The following DNALI1 variants were observed in gnomAD, a reference collection of about 807,000 sequenced individuals.
The protein encoded by DNALI1 is dynein axonemal light intermediate chain 1.
Under a neutral mutation model 33.9 loss-of-function variants are expected in DNALI1, and 31 were observed. The ratio of observed to expected loss-of-function variants is 0.91; its 90% CI spans 0.69 to 1.23. The LOEUF (loss-of-function observed/expected upper bound fraction) is 1.23, where lower values mean the gene tolerates loss of function less well. Ranked by LOEUF, DNALI1 falls within the 50% of genes most tolerant of loss-of-function variation. DNALI1 has a pLI of 0.00. For synonymous variants in DNALI1, 117 were observed against 129.2 expected, an observed-to-expected ratio of 0.91 and a Z score of 0.64; for missense variants, 305 against 323.8, an observed-to-expected ratio of 0.94 and a Z score of 0.44.
chr1:37,557,160 A>C (rs570113972), intron 1 of DNALI1, 85 bp downstream of exon 1: 1,408 of 1,568,732 alleles, frequency 9.0e-4, no homozygotes, highest in Non-Finnish European at 1.1e-3. Context: ...CAGGAATCTC[A>C]AGGGACGGGG....
At chr1:37,560,167 G>T (rs2148122176) in intron 3 of DNALI1, among the ~76,000 whole-genome samples, 1 of 152,296 alleles carries the variant, frequency 6.6e-6, no homozygotes, top group Non-Finnish European at 1.5e-5. Flanking sequence ...CCAGGGGCAG[G>T]CAGAAGACAG....
rs41267325 is a variant in DNALI1, at chr1:37,566,693, C to T, written c.*1632C>T. ...CTTTCAGACTCTTATCACTGAAATC[C>T]TTAAGGTTGAGGAGGCTTTATTTCC... is the stretch of plus-strand genomic sequence containing the variant. On this transcript the variant is annotated 3_prime_UTR_variant, in exon 6 of 6. Transcript: ENST00000652629. 0.043 allele frequency: 28,145 copies of T among 653,220 alleles called. 743 individuals are homozygous for T. Among genetic ancestry groups the T allele is most frequent in the South Asian group, 0.069 (3,499 of 50,900 alleles). The allele number at this position is 653,220 out of a possible 1,614,324, so 40.5% of individuals were successfully genotyped here.
rs565918744 is a variant in DNALI1, at chr1:37,561,684, C to T, written c.525C>T (p.Gly175=). Residue 175 remains glycine (G), a synonymous_variant, in exon 4 of 6, where the codon GGC becomes GGT. Transcript: ENST00000652629. This position sits in a 1 kb window ranked among gnomAD's most constrained non-coding sequence, Gnocchi z 4.6. ...QTLYESSVAF[G]MRKALQAEQG... is the part of the protein sequence containing the mutation. ...TGTACGAGAGCAGCGTGGCGTTTGG[C>T]ATGAGGAAGGCACTGCAGGCTGAGC... The T allele has an allele frequency of 1.9e-6, 3 of 1,613,964 alleles. No individual in the cohort carries two copies. The highest frequency in any genetic ancestry group is 2.5e-6 in the Non-Finnish European group (3 of 1,180,002).
rs889303667 is a variant in DNALI1, at chr1:37,566,489, C to T, written c.*1428C>T. ...TATTTCAAAGGCCAGGCCATGTACA[C>T]TAACGTCCTTGAAATTTGCAGTTCT... On this transcript the variant is annotated 3_prime_UTR_variant, in exon 6 of 6. Coordinates refer to ENST00000652629, the MANE Select transcript of DNALI1 (RefSeq NM_003462.5). 5.4e-6 allele frequency: 1 copy of T among 185,818 alleles called. No individual in the cohort carries two copies. Among genetic ancestry groups the T allele is most frequent in the Non-Finnish European group, 1.1e-5 (1 of 90,380 alleles). 11.5% of individuals were successfully genotyped at this position (185,818 alleles called of 1,614,324 possible). A position where few individuals can be genotyped will look rare whatever the true frequency, so the allele number is the denominator to read the frequency against.
chr1:37,561,738 G>T lies in DNALI1; in HGVS notation c.576+3G>T, dbSNP rs1174351917. The T allele has an allele frequency of 6.2e-7, 1 of 1,613,330 alleles. No homozygotes were observed. The highest frequency in any genetic ancestry group is 1.7e-5 in the Admixed American group (1 of 59,970). On this transcript the variant is annotated splice_donor_region_variant and intron_variant, in intron 4 of 5. Transcript: ENST00000652629. This position sits in a 1 kb window ranked among gnomAD's most constrained non-coding sequence, Gnocchi z 4.6. The stretch of plus-strand genomic sequence containing the variant: ...GGAAGTCAGACATGGAGAGGAAAGT[G>T]AGTGGGGTTTACCGTGACCCTTGGT...
rs1001518095 is a variant in DNALI1, at chr1:37,565,368, A to G, written c.*307A>G. 1 of 422,188 alleles carries G rather than the reference A, an allele frequency of 2.4e-6. No individual in the cohort carries two copies. The highest frequency in any genetic ancestry group is 4.3e-6 in the Non-Finnish European group (1 of 232,406). 26.2% of individuals were successfully genotyped at this position (422,188 alleles called of 1,614,324 possible). The stretch of plus-strand genomic sequence containing the variant: ...GAACTGCCAACTCAAATTCTAAGAA[A>G]GCCACTGCTTTCTCATCATCACTCT... On this transcript the variant is annotated 3_prime_UTR_variant, in exon 6 of 6. Coordinates refer to ENST00000652629, the MANE Select transcript of DNALI1 (RefSeq NM_003462.5).
rs1219087689 is a variant in DNALI1 at position 37,559,372 on chromosome 1, C to T, written c.273C>T (p.Ser91=). ...AGCTATGGATCCAGCAGGTGTCCAG[C>T]ACCCCTAGCACCAGGATGGACGTGG... ...DTQLWIQQVS[S]TPSTRMDVVH... Residue 91 remains serine (S), a synonymous_variant, in exon 3 of 6, where the codon AGC becomes AGT. Coordinates refer to ENST00000652629, the MANE Select transcript of DNALI1 (RefSeq NM_003462.5). This position sits in a 1 kb window ranked among gnomAD's most constrained non-coding sequence, Gnocchi z 5.3. The T allele has an allele frequency of 1.2e-6, 2 of 1,611,774 alleles. No individual in the cohort carries two copies. Among genetic ancestry groups the T allele is most frequent in the South Asian group, 1.1e-5 (1 of 90,802 alleles).
intron 1 of DNALI1, 24 bp from the exon 2 acceptor site, chr1:37,557,579 C>T (rs767552781): frequency 8.7e-6 from 14 of 1,605,804 alleles, no homozygotes; most frequent in Non-Finnish European, 1.1e-5. Flanking sequence ...CAATTTCCTG[C>T]CCTCACCTGT....
rs1389518453 is a variant in DNALI1, at chr1:37,566,084, G to C, written c.*1023G>C. 1 of 152,196 alleles carries C rather than the reference G, an allele frequency of 6.6e-6. No individual in the cohort carries two copies. The highest frequency in any genetic ancestry group is 1.5e-5 in the Non-Finnish European group (1 of 68,044). The allele number at this position is 152,196 out of a possible 1,614,324, so 9.4% of individuals were successfully genotyped here. ...ATGCTCAGGTTCCCCAGAAAGAGGC[G>C]TAAGAAGGGCCTCTCCTTAGCAGAG... On this transcript the variant is annotated 3_prime_UTR_variant, in exon 6 of 6. Coordinates refer to ENST00000652629, the MANE Select transcript of DNALI1 (RefSeq NM_003462.5).
In DNALI1 at chr1:37,561,209, C is replaced by A; in HGVS notation, c.398-348C>A. ...CTTTAAAACAGCTGCCATCTTTAAA[C>A]AGAAAAAGTCAGGTTTTTTCGAGTA... On this transcript the variant is annotated intron_variant, in intron 3 of 5. Transcript: ENST00000652629. The surrounding 1 kb of genome is among the most constrained non-coding windows in gnomAD (Gnocchi z 4.6). 4.3e-6 allele frequency: 1 copy of A among 232,394 alleles called. No individual in the cohort carries two copies. Among genetic ancestry groups the A allele is most frequent in the Non-Finnish European group, 8.6e-6 (1 of 116,180 alleles). The allele number at this position is 232,394 out of a possible 1,614,324, so 14.4% of individuals were successfully genotyped here. A position where few individuals can be genotyped will look rare whatever the true frequency, so the allele number is the denominator to read the frequency against.
chr1:37,561,966 C>A lies in DNALI1; in HGVS notation c.577-115C>A. On this transcript the variant is annotated intron_variant, in intron 4 of 5. Coordinates refer to ENST00000652629, the MANE Select transcript of DNALI1 (RefSeq NM_003462.5). The surrounding 1 kb of genome is among the most constrained non-coding windows in gnomAD (Gnocchi z 4.6). ...CGCTCCATGCCAGGCACTGACCTCC[C>A]ACTGGGTGGCAGTATATACCCTGGC... 2.0e-6 allele frequency: 3 copies of A among 1,502,124 alleles called. No individual in the cohort carries two copies. The highest frequency in any genetic ancestry group is 2.5e-5 in the South Asian group (2 of 79,350). The allele number at this position is 1,502,124 out of a possible 1,614,324, so 93.0% of individuals were successfully genotyped here.
chr1:37,561,333 G>A lies in DNALI1; in HGVS notation c.398-224G>A. The A allele has an allele frequency of 1.9e-6, 1 of 539,708 alleles. No individual in the cohort carries two copies. The highest frequency in any genetic ancestry group is 2.7e-5 in the South Asian group (1 of 36,798). The allele number at this position is 539,708 out of a possible 1,614,324, so 33.4% of individuals were successfully genotyped here. On this transcript the variant is annotated intron_variant, in intron 3 of 5. Transcript: ENST00000652629. This position sits in a 1 kb window ranked among gnomAD's most constrained non-coding sequence, Gnocchi z 4.6. ...TTGCTCTGGCCAACCCAGTCTTGCT[G>A]ACTGTGCTACTCACAAGTGCCAAGT...
intron 3 of DNALI1, among the ~76,000 whole-genome samples, chr1:37,560,263 G>C (rs556129650): frequency 6.6e-6 from 1 of 152,318 alleles, no homozygotes; most frequent in East Asian, 1.9e-4. Context: ...GTCAGGCTGA[G>C]GGACGGTCAG....
At chr1:37,557,165 A>T in intron 1 of DNALI1, 90 bp downstream of exon 1, 1 of 1,587,066 alleles carries the variant, frequency 6.3e-7, no homozygotes, top group Non-Finnish European at 8.6e-7. Context: ...ATCTCAAGGG[A>T]CGGGGATTGC....
Position 37,561,479 on chromosome 1 carries a change from G to A in DNALI1, c.398-78G>A, listed in dbSNP as rs887832174. On this transcript the variant is annotated intron_variant, in intron 3 of 5. Transcript: ENST00000652629. The surrounding 1 kb of genome is among the most constrained non-coding windows in gnomAD (Gnocchi z 4.6). ...AACACCCTAATGTCCTTCCCAAGAG[G>A]AAGGGTGTTTGCAGTAGACATACTG... 13 of 1,526,414 alleles carry A rather than the reference G, an allele frequency of 8.5e-6. No homozygotes were observed. The Admixed American group carries it at 9.3e-5, about 11-fold the overall frequency. The allele number at this position is 1,526,414 out of a possible 1,614,324, so 94.6% of individuals were successfully genotyped here. A position where few individuals can be genotyped will look rare whatever the true frequency, so the allele number is the denominator to read the frequency against.
In DNALI1 at chr1:37,562,069, T is replaced by C. The variant is rs1011171520; in HGVS notation, c.577-12T>C. Reference sequence around the variant, plus strand: ...GGCGACATCCCAGGATGACTGGGCATTCTCTCCTCAGATCGCAGAATTGGA... The same window carrying C: ...GGCGACATCCCAGGATGACTGGGCACTCTCTCCTCAGATCGCAGAATTGGA... On this transcript the variant is annotated splice_polypyrimidine_tract_variant and intron_variant, in intron 4 of 5. Transcript: ENST00000652629. The surrounding 1 kb of genome is among the most constrained non-coding windows in gnomAD (Gnocchi z 5.8). The C allele has an allele frequency of 2.5e-6, 4 of 1,613,674 alleles. No individual in the cohort carries two copies. The highest frequency in any genetic ancestry group is 1.7e-5 in the Admixed American group (1 of 59,998).
chr1:37,558,540 C>G (rs1192256117), intron 2 of DNALI1, among the ~76,000 whole-genome samples: 1 of 152,204 alleles, frequency 6.6e-6, no homozygotes, highest in Non-Finnish European at 1.5e-5. Context: ...TATCCCTGAC[C>G]TTATCTCCTG....
intron 1 of DNALI1, 120 bp downstream of exon 1, chr1:37,557,195 A>T: frequency 6.8e-7 from 1 of 1,477,260 alleles, no homozygotes; most frequent in Non-Finnish European, 9.2e-7. Context: ...GAGTAAAGGG[A>T]ATTGGGAAGT....
At chr1:37,564,352 G>A (rs956598634) in intron 5 of DNALI1, among the ~76,000 whole-genome samples, 1 of 150,790 alleles carries the variant, frequency 6.6e-6, no homozygotes, top group African/African-American at 2.4e-5. Context: ...TCTGGTCCCA[G>A]CAGAACTCCC....
Sources: allele counts gnomAD v4.1 joint callset (sites outside exome capture counted in the v4.1 genomes callset), GRCh38; gene constraint gnomAD v4.1.1; non-coding constraint Gnocchi (gnomAD v3.1); transcripts MANE v1.5; gene names NCBI Gene and HGNC (gene_info 2026-07-23, HGNC 2026-07-21).